Variants in VSTM2A observed in about 807,000 individuals in gnomAD.
VSTM2A encodes the protein V-set and transmembrane domain-containing protein 2A.
Under a neutral mutation model 27.3 loss-of-function variants are expected in VSTM2A, and 13 were observed. The ratio of observed to expected loss-of-function variants is 0.48; its 90% confidence interval spans 0.31 to 0.76. The LOEUF is 0.76. VSTM2A is among the 30% of genes least tolerant of loss of function. VSTM2A has a pLI of 0.05. For synonymous variants in VSTM2A, 142 were observed against 125.7 expected (o/e 1.13, Z -0.87); for missense variants, 280 against 310.0 (o/e 0.90, Z 0.73).
chr7:54,560,834 AAAT>A (rs375578097), intron 4 of VSTM2A, among the ~76,000 whole-genome samples: 229 of 152,320 alleles, frequency 1.5e-3, no homozygotes, highest in African/African-American at 5.1e-3. Flanking sequence ...TAATGAAGTT[AAAT>A]AATGCAGTGA....
intron 2 of VSTM2A, chr7:54,546,566 G>GCCCCCCCA (rs1320219113): frequency 2.0e-5 from 2 of 100,388 alleles, no homozygotes; most frequent in Admixed American, 2.2e-4. Context: ...CCCCCCGCCT[G>GCCCCCCCA]CCCGCCCGCC....
chr7:54,550,515 A>G, intron 4 of VSTM2A: 1 of 422,554 alleles, frequency 2.4e-6, no homozygotes, highest in Non-Finnish European at 4.0e-6. Context: ...AGATTTATGT[A>G]TCGATAATGA....
At chr7:54,543,625 A>T (rs916364251) in intron 1 of VSTM2A, among the ~76,000 whole-genome samples, 4 of 151,894 alleles carry the variant, frequency 2.6e-5, no homozygotes, top group African/African-American at 9.7e-5. Flanking sequence ...TGGGGGGAGG[A>T]GTGCATCCAC....
rs967861130 is a variant in VSTM2A at position 54,544,708 on chromosome 7, T to C, written c.166T>C (p.Ser56Pro). Reference protein sequence around the residue: ...MSCAFQSGSASVYLEIQWWFL... With the variant: ...MSCAFQSGSAPVYLEIQWWFL... ...CTGCGCCTTCCAGAGCGGCTCCGCC[T>C]CGGTGTATCTGGAGATCCAATGGTG... The change falls in exon 2 of 5, where the codon TCG (serine) becomes CCG (proline). Residue 56 changes from serine (S) to proline (P), a missense_variant. Coordinates refer to ENST00000402613, the MANE Select transcript of VSTM2A (RefSeq NM_001301009.2). 1 of 1,612,616 alleles carries C rather than the reference T, an allele frequency of 6.2e-7. No homozygotes were observed. The highest frequency in any genetic ancestry group is 1.3e-5 in the African/African-American group (1 of 74,928).
At chr7:54,558,974 C>T (rs1562712396) in intron 4 of VSTM2A, 2 of 151,854 alleles carry the variant, frequency 1.3e-5, no homozygotes, top group Non-Finnish European at 2.9e-5. Flanking sequence ...AGTAAAGCAT[C>T]AAACAAGGAA....
At chr7:54,562,475 T>C (rs1053139297) in intron 4 of VSTM2A, among the ~76,000 whole-genome samples, 1 of 152,180 alleles carries the variant, frequency 6.6e-6, no homozygotes, top group Non-Finnish European at 1.5e-5. Context: ...AGGGCGTGGA[T>C]AAGGAGAGGT....
At position 54,569,718 on chromosome 7, in the gene VSTM2A, G is replaced by C. The variant is rs1334072291; in HGVS notation, c.*499G>C. On this transcript the variant is annotated 3_prime_UTR_variant, in exon 5 of 5. Transcript: ENST00000402613. The stretch of plus-strand genomic sequence containing the variant: ...TCTTGTTCAATGGTGGCAAGTGCTG[G>C]TTATGGCCAATCTCCGTCAATCCTA... 1.3e-5 allele frequency: 2 copies of C among 155,296 alleles called. No individual in the cohort carries two copies. The highest frequency in any genetic ancestry group is 6.3e-5 in the Admixed American group (1 of 15,776). The allele number at this position is 155,296 out of a possible 1,614,324, so 9.6% of individuals were successfully genotyped here.
chr7:54,550,457 A>G (rs1360028438), intron 4 of VSTM2A: 23 of 659,688 alleles, frequency 3.5e-5, no homozygotes, highest in Non-Finnish European at 4.8e-5. Flanking sequence ...AAGAACAATA[A>G]ATCATGTAAT....
chr7:54,542,736 G>A lies in VSTM2A; in HGVS notation c.6G>A (p.Met2Ile). Residue 2 changes from methionine (M) to isoleucine (I), a missense_variant, in exon 1 of 5, where the codon ATG becomes ATA. By Grantham distance (10) the Met-to-Ile change is conservative. Transcript: ENST00000402613. Reference protein sequence around the residue: MMGIFLVYVGFV... With the variant: MIGIFLVYVGFV... Reference sequence around the variant, plus strand: ...GACCCCCCTCCCTTTTTGGAATGATGGGGATCTTTTTGGTGTATGTTGGAT... The same window carrying A: ...GACCCCCCTCCCTTTTTGGAATGATAGGGATCTTTTTGGTGTATGTTGGAT... 6.2e-7 allele frequency: 1 copy of A among 1,613,486 alleles called. No homozygotes were observed. The highest frequency in any genetic ancestry group is 8.5e-7 in the Non-Finnish European group (1 of 1,179,706).
chr7:54,548,436 A>G (rs996563645), intron 3 of VSTM2A, among the ~76,000 whole-genome samples: 2 of 152,168 alleles, frequency 1.3e-5, no homozygotes, highest in Non-Finnish European at 2.9e-5. Flanking sequence ...GAGTTGTTAT[A>G]AAATACTGAT....
chr7:54,563,943 A>G (rs541707373), intron 4 of VSTM2A, among the ~76,000 whole-genome samples: 26 of 152,366 alleles, frequency 1.7e-4, no homozygotes, highest in Middle Eastern at 3.4e-3. Context: ...GGATAAAATC[A>G]TTCTATTATT....
chr7:54,550,147 T>C lies in VSTM2A; in HGVS notation c.611T>C (p.Ile204Thr). The change falls in exon 4 of 5, where the codon ATC becomes ACC. Residue 204 changes from isoleucine to threonine, a missense_variant. Coordinates refer to ENST00000402613, the MANE Select transcript of VSTM2A (RefSeq NM_001301009.2). The stretch of plus-strand genomic sequence containing the variant: ...TCCAGCCCTCAAGTGGTAGCCAAAA[T>C]CCCCAAACAAAGTCCACAATCAGGT... ...STSSPQVVAK[I>T]PKQSPQSAKS... The C allele has an allele frequency of 6.2e-7, 1 of 1,601,634 alleles. No individual in the cohort carries two copies. Among genetic ancestry groups the C allele is most frequent in the South Asian group, 1.1e-5 (1 of 88,580 alleles).
intron 3 of VSTM2A, among the ~76,000 whole-genome samples, chr7:54,548,410 C>CCCAGGAGAGTTGTTATAAA (rs1160524592): frequency 6.6e-6 from 1 of 152,170 alleles, no homozygotes; most frequent in African/African-American, 2.4e-5. Context: ...TAGTTATTAA[C>CCCAGGAGAGTTGTTATAAA]TTTGAATTCC....
At chr7:54,563,627 T>C (rs1384314376) in intron 4 of VSTM2A, among the ~76,000 whole-genome samples, 3 of 152,066 alleles carry the variant, frequency 2.0e-5, no homozygotes, top group African/African-American at 7.2e-5. Context: ...GAGAGAACAG[T>C]CTCTGGTGAA....
chr7:54,561,462 G>C (rs1788560253), intron 4 of VSTM2A, among the ~76,000 whole-genome samples: 1 of 152,258 alleles, frequency 6.6e-6, no homozygotes, highest in Non-Finnish European at 1.5e-5. Flanking sequence ...CCTTCATTAT[G>C]TATTTGTGAT....
intron 2 of VSTM2A, 147 bp from the exon 3 acceptor site, chr7:54,546,800 T>C: frequency 1.1e-6 from 1 of 882,480 alleles, no homozygotes; most frequent in Non-Finnish European, 1.7e-6. Flanking sequence ...GGTCTGGGCC[T>C]GGACAGGGGT....
At chr7:54,551,880 G>A (rs1788212424) in intron 4 of VSTM2A, 1 of 152,166 alleles carries the variant, frequency 6.6e-6, no homozygotes, top group African/African-American at 2.4e-5. Flanking sequence ...CTGTTCGGCA[G>A]AATAAAATCA....
chr7:54,542,692 C>A lies in VSTM2A; in HGVS notation c.-39C>A. On this transcript the variant is annotated 5_prime_UTR_variant, in exon 1 of 5. It adds an upstream start codon to the 5' untranslated region. Transcript: ENST00000402613. ...ACGCCTTTCTTTCAGGGCTTTTCGG[C>A]TGTTGGCTACACTGATGTGACCCCC... 1 of 1,593,044 alleles carries A rather than the reference C, an allele frequency of 6.3e-7. No individual in the cohort carries two copies. The highest frequency in any genetic ancestry group is 1.1e-5 in the South Asian group (1 of 89,392).
chr7:54,553,603 T>C (rs1403409176), intron 4 of VSTM2A, among the ~76,000 whole-genome samples: 1 of 152,192 alleles, frequency 6.6e-6, no homozygotes, highest in Non-Finnish European at 1.5e-5. Context: ...TGCTTCTTGC[T>C]GGAGGAGTCA....
Sources: gnomAD v4.1 joint callset for allele counts (sites outside exome capture counted in the v4.1 genomes callset) on GRCh38, gnomAD v4.1.1 for gene constraint, MANE v1.5 for transcripts, NCBI Gene and HGNC (gene_info 2026-07-23, HGNC 2026-07-21) for gene names.